CACNA2D4: variants seen among roughly 807,000 people sequenced by gnomAD.
CACNA2D4 encodes calcium voltage-gated channel auxiliary subunit alpha2delta 4, also known as voltage-dependent calcium channel subunit alpha-2/delta-4.
In CACNA2D4, 157 loss-of-function variants were observed where a neutral mutation model predicts 163.8. The ratio of observed to expected loss-of-function variants is 0.96; its 90% CI spans 0.84 to 1.09. The LOEUF is 1.09. Ranked by LOEUF, CACNA2D4 falls within the 50% of genes least tolerant of loss-of-function variation. The pLI is 0.00. For synonymous variants in CACNA2D4, 598 were observed against 586.9 expected (o/e 1.02, Z -0.27); for missense variants, 1,410 against 1,479.9 (o/e 0.95, Z 0.78).
chr12:1,825,904 G>A (rs566260443), intron 26 of CACNA2D4, among the ~76,000 whole-genome samples: 5 of 152,342 alleles, frequency 3.3e-5, no homozygotes, highest in Non-Finnish European at 5.9e-5. Context: ...GCCGTGGACT[G>A]TGAGCTCTTG....
intron 29 of CACNA2D4, chr12:1,809,498 A>G: frequency 1.4e-6 from 1 of 701,884 alleles, no homozygotes; most frequent in Non-Finnish European, 2.6e-6. Context: ...GCTTCAAGGA[A>G]ATACATCTGG....
intron 25 of CACNA2D4, among the ~76,000 whole-genome samples, chr12:1,842,822 C>A (rs897369625): frequency 6.6e-6 from 1 of 152,214 alleles, no homozygotes; most frequent in Non-Finnish European, 1.5e-5. Context: ...GAGGAGCTGC[C>A]TCTTTCAGCC....
At chr12:1,818,516 T>C (rs552701236) in intron 26 of CACNA2D4, among the ~76,000 whole-genome samples, 335 of 151,798 alleles carry the variant, frequency 2.2e-3, no homozygotes, top group Admixed American at 4.3e-3. Context: ...CCACTCAGGG[T>C]TAAATGGATT....
intron 26 of CACNA2D4, among the ~76,000 whole-genome samples, chr12:1,827,120 C>T (rs1383208490): frequency 2.0e-5 from 3 of 152,106 alleles, no homozygotes; most frequent in Admixed American, 1.3e-4. Context: ...CGGGCATCCT[C>T]CCTCCCTCCC....
intron 2 of CACNA2D4, among the ~76,000 whole-genome samples, chr12:1,913,870 T>G (rs889858071): frequency 6.6e-6 from 1 of 152,238 alleles, no homozygotes; most frequent in African/African-American, 2.4e-5. Context: ...TTTACATAGC[T>G]TTAGTGAATG....
In CACNA2D4 at chr12:1,884,967, G is replaced by A; in HGVS notation, c.1158+20C>T. On this transcript the variant is annotated intron_variant, in intron 10 of 37. Coordinates refer to ENST00000382722, the MANE Select transcript of CACNA2D4 (RefSeq NM_172364.5). The stretch of plus-strand genomic sequence containing the variant: ...CCTTCCTCCCAGTCCTCCCCTCCCA[G>A]GCCTCATTACAGTGGGCACCTGCTT... The A allele has an allele frequency of 6.2e-7, 1 of 1,610,430 alleles. No individual in the cohort carries two copies. Among genetic ancestry groups the A allele is most frequent in the Non-Finnish European group, 8.5e-7 (1 of 1,176,734 alleles).
rs748871349 is a variant in CACNA2D4, at chr12:1,879,926, C to G, written c.1486-45G>C. ...AGGGGTCAGAAGGTGCGGCCTAGGG[C>G]CACTGGTTTGCCGCACTCGGAGCAC... On this transcript the variant is annotated intron_variant, in intron 13 of 37. Coordinates refer to ENST00000382722, the MANE Select transcript of CACNA2D4 (RefSeq NM_172364.5). The G allele has an allele frequency of 9.0e-6, 13 of 1,438,552 alleles. No homozygotes were observed. The African/African-American group carries it at 1.6e-4, about 17-fold the overall frequency. 89.1% of individuals were successfully genotyped at this position (1,438,552 alleles called of 1,614,324 possible). A position where few individuals can be genotyped will look rare whatever the true frequency, so the allele number is the denominator to read the frequency against.
intron 29 of CACNA2D4, among the ~76,000 whole-genome samples, chr12:1,807,836 C>T (rs951882463): frequency 1.3e-5 from 2 of 152,108 alleles, no homozygotes; most frequent in African/African-American, 4.8e-5. Flanking sequence ...CCAAGCACGG[C>T]GGGAGCGGGG....
chr12:1,834,866 G>C lies in CACNA2D4; in HGVS notation c.2551+5873C>G, dbSNP rs1358600857. 7.1e-6 allele frequency: 10 copies of C among 1,411,468 alleles called. No homozygotes were observed. The Admixed American group carries it at 2.3e-4, about 32-fold the overall frequency. 87.4% of individuals were successfully genotyped at this position (1,411,468 alleles called of 1,614,324 possible). ...CCCTCCAGCAGACAAGCCACACCGG[G>C]TTCTCTCCCTGCACTTTCGAGGCTC... On this transcript the variant is annotated intron_variant, in intron 26 of 37. Transcript: ENST00000382722. This position sits in a 1 kb window ranked among gnomAD's most constrained non-coding sequence, Gnocchi z 7.6.
chr12:1,916,196 A>C (rs867436527), intron 1 of CACNA2D4, among the ~76,000 whole-genome samples: 6 of 152,158 alleles, frequency 3.9e-5, no homozygotes, highest in African/African-American at 1.2e-4. Flanking sequence ...TAAGACTATC[A>C]GGAAGGGCAG....
chr12:1,795,737 G>A lies in CACNA2D4; in HGVS notation c.3157C>T (p.Leu1053=). ...CAGTCACAGGTGGGGTCTGTCACCA[G>A]GAGGAGGAGGTTACTGTTGGGAATC... ...QQIPNSNLLL[L]VTDPTCDCSI... Residue 1053 remains leucine (L), a synonymous_variant, in exon 36 of 38, where the codon CTG becomes TTG. Transcript: ENST00000382722. The A allele has an allele frequency of 3.1e-6, 5 of 1,612,850 alleles. No individual in the cohort carries two copies. Among genetic ancestry groups the A allele is most frequent in the Non-Finnish European group, 4.2e-6 (5 of 1,178,894 alleles).
intron 20 of CACNA2D4, among the ~76,000 whole-genome samples, chr12:1,858,118 G>A (rs752029918): frequency 1.2e-4 from 19 of 152,324 alleles, no homozygotes; most frequent in African/African-American, 3.4e-4. Context: ...CTCCAGAACC[G>A]TGAGAGAATA....
intron 23 of CACNA2D4, among the ~76,000 whole-genome samples, chr12:1,847,924 A>G (rs536279822): frequency 3.3e-4 from 51 of 152,348 alleles, no homozygotes; most frequent in African/African-American, 1.0e-3. Context: ...ATTCATTAAT[A>G]TGATCAGATA....
At chr12:1,846,500 T>G in intron 24 of CACNA2D4, 94 bp downstream of exon 24, 1 of 1,007,430 alleles carries the variant, frequency 9.9e-7, no homozygotes, top group East Asian at 2.6e-5. Flanking sequence ...GGAGACCCGG[T>G]GCCAGTCCAC....
intron 37 of CACNA2D4, among the ~76,000 whole-genome samples, 161 bp from the exon 38 acceptor site, chr12:1,793,920 A>G (rs1284090778): frequency 6.6e-6 from 1 of 152,166 alleles, no homozygotes; most frequent in East Asian, 1.9e-4. Context: ...CTTTTGGGGG[A>G]AAAGCAAAGG....
At chr12:1,817,185 A>G (rs1863904506) in intron 26 of CACNA2D4, among the ~76,000 whole-genome samples, 2 of 152,230 alleles carry the variant, frequency 1.3e-5, no homozygotes, top group Non-Finnish European at 2.9e-5. Flanking sequence ...ACAGAAGGCC[A>G]GTGCCAGAAG....
intron 6 of CACNA2D4, among the ~76,000 whole-genome samples, chr12:1,901,949 T>G (rs1213806427): frequency 6.6e-6 from 1 of 151,994 alleles, no homozygotes; most frequent in Admixed American, 6.6e-5. Context: ...TGAAGAGCAC[T>G]GATGCAAAAA....
chr12:1,826,416 C>T (rs902310626), intron 26 of CACNA2D4, among the ~76,000 whole-genome samples: 33 of 139,184 alleles, frequency 2.4e-4, no homozygotes, highest in Non-Finnish European at 4.4e-4. Flanking sequence ...CCCCCCCCCC[C>T]GCCAACTGGC....
chr12:1,831,640 G>T, intron 26 of CACNA2D4: 1 of 856,938 alleles, frequency 1.2e-6, no homozygotes, highest in East Asian at 2.5e-5. Flanking sequence ...GGAAAGAAGG[G>T]GGCGACCCTG....
Sources: gnomAD v4.1 joint callset for allele counts (sites outside exome capture counted in the v4.1 genomes callset) on GRCh38, gnomAD v4.1.1 for gene constraint, Gnocchi (gnomAD v3.1) non-coding constraint, MANE v1.5 for transcripts, NCBI Gene and HGNC (gene_info 2026-07-23, HGNC 2026-07-21) for gene names.